HACL2: variants seen among roughly 807,000 people sequenced by gnomAD.
HACL2 encodes the protein 2-hydroxyacyl-CoA lyase 2, also known as 2-hydroxyacyl-CoA lyase 1 like.
the HACL2 span, chr19:15,119,206 G>C: frequency 6.2e-7 from 1 of 1,603,300 alleles, no homozygotes. Context: ...GGGCCGCACT[G>C]CGGTTCTCCC....
At chr19:15,123,500 A>T in the HACL2 span, 1 of 1,614,054 alleles carries the variant, frequency 6.2e-7, no homozygotes, top group Non-Finnish European at 8.5e-7. This position sits in a 1 kb window ranked among gnomAD's most constrained non-coding sequence, Gnocchi z 5.1. Flanking sequence ...GACCAGCGTG[A>T]AGATGAACCG....
At chr19:15,121,538 A>T in the HACL2 span, among the ~76,000 whole-genome samples, 1 of 152,100 alleles carries the variant, frequency 6.6e-6, no homozygotes, top group Non-Finnish European at 1.5e-5. Flanking sequence ...AGAAGAGGCC[A>T]GGCGCAGTGG....
chr19:15,116,459 TCTGGGGCCCAGGTCTGGCC>T, the HACL2 span: 2 of 1,613,676 alleles, frequency 1.2e-6, no homozygotes, highest in Admixed American at 3.3e-5. Context: ...CTCCACCCAG[TCTGGGGCCCAGGTCTGGCC>T]CTGAAGGCCC....
At chr19:15,123,892 G>A in the HACL2 span, 1 of 409,954 alleles carries the variant, frequency 2.4e-6, no homozygotes, top group Non-Finnish European at 4.4e-6. This position sits in a 1 kb window ranked among gnomAD's most constrained non-coding sequence, Gnocchi z 5.1. Flanking sequence ...GGATGGCAGG[G>A]CAATCAGGGA....
At chr19:15,123,599 C>T in the HACL2 span, 34 of 1,600,704 alleles carry the variant, frequency 2.1e-5, no homozygotes, top group Non-Finnish European at 2.3e-5. This position sits in a 1 kb window ranked among gnomAD's most constrained non-coding sequence, Gnocchi z 5.1. Context: ...ACAGGTGGAG[C>T]AATAAAGTTA....
the HACL2 span, chr19:15,124,777 A>C: frequency 9.4e-7 from 1 of 1,065,148 alleles, no homozygotes; most frequent in Non-Finnish European, 1.3e-6. Context: ...CAATGGAGAC[A>C]GGGCCCTGGA....
chr19:15,116,309 C>T, the HACL2 span: 215 of 1,613,944 alleles, frequency 1.3e-4, no homozygotes, highest in African/African-American at 2.3e-3. Context: ...CCACAGGCAT[C>T]GCTGCCTTCT....
chr19:15,116,206 C>T, the HACL2 span: 2 of 1,613,914 alleles, frequency 1.2e-6, no homozygotes, highest in Admixed American at 1.7e-5. Flanking sequence ...GCAGCAGTGC[C>T]CACGAAGTCC....
chr19:15,116,005 G>C, the HACL2 span: 83 of 1,613,986 alleles, frequency 5.1e-5, no homozygotes, highest in Non-Finnish European at 6.8e-5. Context: ...CCTCACCTCA[G>C]CATCTGGCCG....
chr19:15,122,823 C>A, the HACL2 span: 1 of 1,613,834 alleles, frequency 6.2e-7, no homozygotes, highest in Non-Finnish European at 8.5e-7. The surrounding 1 kb of genome is among the most constrained non-coding windows in gnomAD (Gnocchi z 4.0). Context: ...ACAGGGAGGA[C>A]GCTGAGTCCA....
At chr19:15,124,960 G>T in the HACL2 span, 1 of 1,608,174 alleles carries the variant, frequency 6.2e-7, no homozygotes, top group Non-Finnish European at 8.5e-7. Flanking sequence ...CCCAGGCGGT[G>T]AGCGGCGCCC....
chr19:15,120,052 A>C, the HACL2 span: 20 of 1,550,456 alleles, frequency 1.3e-5, no homozygotes, highest in East Asian at 4.9e-4. Flanking sequence ...GGCTCCTGCA[A>C]AGAGGTTGGC....
At chr19:15,124,657 G>A in the HACL2 span, 2 of 517,886 alleles carry the variant, frequency 3.9e-6, no homozygotes, top group South Asian at 4.6e-5. Flanking sequence ...TCTGTTCTGT[G>A]AAAAGAGTCA....
the HACL2 span, chr19:15,123,567 C>T: frequency 6.2e-7 from 1 of 1,614,086 alleles, no homozygotes; most frequent in South Asian, 1.1e-5. The surrounding 1 kb of genome is among the most constrained non-coding windows in gnomAD (Gnocchi z 5.1). Context: ...CGGACGCTTG[C>T]CTTGTCCACC....
the HACL2 span, chr19:15,122,580 C>T: frequency 2.3e-6 from 2 of 869,132 alleles, no homozygotes; most frequent in South Asian, 1.5e-5. The surrounding 1 kb of genome is among the most constrained non-coding windows in gnomAD (Gnocchi z 4.0). Flanking sequence ...ATGCTCTCCC[C>T]CCAGCTGTCT....
the HACL2 span, among the ~76,000 whole-genome samples, chr19:15,120,573 C>A: frequency 6.6e-6 from 1 of 152,238 alleles, no homozygotes; most frequent in African/African-American, 2.4e-5. Flanking sequence ...GGTCTCCTTG[C>A]TCACTGGGCC....
the HACL2 span, chr19:15,116,005 GCA>G: frequency 6.2e-7 from 1 of 1,614,104 alleles, no homozygotes; most frequent in East Asian, 2.2e-5. Flanking sequence ...CCTCACCTCA[GCA>G]TCTGGCCGGC....
chr19:15,124,804 T>C, the HACL2 span: 1 of 1,308,758 alleles, frequency 7.6e-7, no homozygotes, highest in Non-Finnish European at 1.0e-6. Flanking sequence ...CTCTTACCAG[T>C]CCCTCTGGAC....
chr19:15,115,568 G>C, the HACL2 span: 6 of 1,612,130 alleles, frequency 3.7e-6, no homozygotes, highest in Admixed American at 6.7e-5. Context: ...CCCCTCACCA[G>C]TGTAGGCCAG....
Sources: allele counts gnomAD v4.1 joint callset (sites outside exome capture counted in the v4.1 genomes callset), GRCh38; gene constraint gnomAD v4.1.1; non-coding constraint Gnocchi (gnomAD v3.1); transcripts MANE v1.5; gene names NCBI Gene and HGNC (gene_info 2026-07-23, HGNC 2026-07-21).